TRPM3: variants seen among roughly 807,000 people sequenced by gnomAD.
TRPM3 encodes the protein long transient receptor potential channel 3.
A neutral mutation model predicts 181.2 loss-of-function variants in TRPM3; 77 were observed. That is an observed-to-expected ratio of 0.42 (90% confidence interval 0.35 to 0.51). The LOEUF is 0.51. Ranked by LOEUF, TRPM3 falls within the 20% of genes least tolerant of loss-of-function variation. The pLI is 0.01. For missense variants in TRPM3, 1,759 were observed against 2,196.7 expected (o/e 0.80, Z 3.98); for synonymous variants, 745 against 796.4 (o/e 0.94, Z 1.09).
At chr9:71,121,140 G>A in intron 1 of TRPM3, 38 bp downstream of exon 1, 2 of 1,585,002 alleles carry the variant, frequency 1.3e-6, no homozygotes, top group Non-Finnish European at 1.7e-6. Flanking sequence ...AATCTAAAAA[G>A]CACAATTAGC....
At chr9:70,738,848 C>T (rs1378015173) in intron 8 of TRPM3, among the ~76,000 whole-genome samples, 1 of 152,014 alleles carries the variant, frequency 6.6e-6, no homozygotes, top group Non-Finnish European at 1.5e-5. Flanking sequence ...TACATGAACA[C>T]CTTTATGTGC....
chr9:71,013,089 T>TGA (rs375504277), intron 1 of TRPM3, among the ~76,000 whole-genome samples: 2 of 151,966 alleles, frequency 1.3e-5, no homozygotes, highest in Non-Finnish European at 2.9e-5. Flanking sequence ...GGTCTATACA[T>TGA]GAGAGAGAGA....
chr9:71,244,776 C>T (rs771722411), intron 1 of TRPM3, among the ~76,000 whole-genome samples: 7 of 152,116 alleles, frequency 4.6e-5, no homozygotes, highest in East Asian at 1.9e-4. Context: ...GAAGAAAATA[C>T]CACCTAATGG....
intron 1 of TRPM3, among the ~76,000 whole-genome samples, chr9:71,368,602 G>A (rs1428926319): frequency 6.6e-6 from 1 of 152,118 alleles, no homozygotes; most frequent in Non-Finnish European, 1.5e-5. Context: ...ATTTTATAAT[G>A]CTTTTTTAAT....
chr9:70,668,613 C>T (rs1403536723), intron 9 of TRPM3, among the ~76,000 whole-genome samples: 2 of 137,764 alleles, frequency 1.5e-5, no homozygotes, highest in East Asian at 2.2e-4. Context: ...TCCAGTGAGC[C>T]GAGATCGCGC....
intron 8 of TRPM3, among the ~76,000 whole-genome samples, chr9:70,743,732 T>C (rs777036644): frequency 1.3e-5 from 2 of 152,056 alleles, no homozygotes; most frequent in African/African-American, 4.8e-5. Context: ...AGGTGTGAGA[T>C]GTACTCCTCC....
intron 1 of TRPM3, among the ~76,000 whole-genome samples, chr9:71,442,374 T>G (rs1001490797): frequency 6.6e-6 from 1 of 152,204 alleles, no homozygotes; most frequent in Non-Finnish European, 1.5e-5. Flanking sequence ...AAATTAAATC[T>G]GCATCTATTT....
chr9:70,538,743 T>C (rs147542459), intron 25 of TRPM3, among the ~76,000 whole-genome samples: 1 of 152,328 alleles, frequency 6.6e-6, no homozygotes, highest in East Asian at 1.9e-4. Flanking sequence ...ATGGTTTGTC[T>C]CATATTCCTG....
At chr9:71,329,887 C>G (rs1167235204) in intron 1 of TRPM3, among the ~76,000 whole-genome samples, 2 of 152,154 alleles carry the variant, frequency 1.3e-5, no homozygotes, top group South Asian at 4.1e-4. Context: ...AACATAAGCA[C>G]TCATGAACCC....
intron 1 of TRPM3, among the ~76,000 whole-genome samples, chr9:71,158,142 C>G (rs558973566): frequency 1.3e-5 from 2 of 152,118 alleles, no homozygotes; most frequent in East Asian, 3.9e-4. Context: ...TTGCCAAGCA[C>G]AAAAAGAAAA....
At chr9:70,890,832 G>A (rs2096188662) in intron 1 of TRPM3, among the ~76,000 whole-genome samples, 1 of 152,036 alleles carries the variant, frequency 6.6e-6, no homozygotes, top group African/African-American at 2.4e-5. Flanking sequence ...GACAGAGGCA[G>A]AGGGAATTCA....
chr9:70,903,045 T>C (rs2096408183), intron 1 of TRPM3, among the ~76,000 whole-genome samples: 1 of 152,094 alleles, frequency 6.6e-6, no homozygotes. Flanking sequence ...TGTTATCCAC[T>C]AGGCTGGCGA....
rs2097597905 is a variant in TRPM3 at position 71,001,315 on chromosome 9, A to G, written c.177+119863T>C. Among the ~76,000 whole-genome samples, 3 of 152,290 alleles carry G rather than the reference A, an allele frequency of 2.0e-5. No homozygotes were observed. The South Asian group carries it at 6.2e-4, about 32-fold the overall frequency. On this transcript the variant is annotated intron_variant, in intron 1 of 25. Coordinates refer to ENST00000677713, the MANE Select transcript of TRPM3 (RefSeq NM_001366145.2). ...CATATGCCTTCTGATCCAGTTTATA[A>G]ACTCTGGGATAACTAACAAATATAA...
chr9:70,822,779 G>C (rs1407063580), intron 6 of TRPM3, among the ~76,000 whole-genome samples: 1 of 151,820 alleles, frequency 6.6e-6, no homozygotes. Context: ...GTGTGTGTGT[G>C]TGTGTGTGTG....
At chr9:71,202,127 G>A (rs1295778182) in intron 1 of TRPM3, among the ~76,000 whole-genome samples, 1 of 152,154 alleles carries the variant, frequency 6.6e-6, no homozygotes, top group African/African-American at 2.4e-5. Context: ...ATCAGCAGTG[G>A]TGGCTGCAGA....
At chr9:70,906,954 G>A (rs2096474988) in intron 1 of TRPM3, among the ~76,000 whole-genome samples, 1 of 152,022 alleles carries the variant, frequency 6.6e-6, no homozygotes, top group African/African-American at 2.4e-5. Context: ...AACAAGAAAG[G>A]TGGAGAAATT....
chr9:71,407,408 G>T (rs1252776371), intron 1 of TRPM3, among the ~76,000 whole-genome samples: 1 of 152,194 alleles, frequency 6.6e-6, no homozygotes, highest in Admixed American at 6.5e-5. Flanking sequence ...TTAGCAAACA[G>T]CACACCAGGA....
intron 1 of TRPM3, among the ~76,000 whole-genome samples, chr9:71,129,708 G>A (rs545548441): frequency 1.6e-4 from 24 of 152,112 alleles, no homozygotes; most frequent in African/African-American, 4.3e-4. Flanking sequence ...GGGTTCCTGC[G>A]GCTTCCCAAA....
At chr9:70,552,781 T>A in intron 24 of TRPM3, 63 bp downstream of exon 24, 2 of 1,564,384 alleles carry the variant, frequency 1.3e-6, no homozygotes, top group Non-Finnish European at 1.8e-6. Context: ...TTCTGCGTGA[T>A]TGCCTATAGG....
Sources: gnomAD v4.1 joint callset for allele counts (sites outside exome capture counted in the v4.1 genomes callset) on GRCh38, gnomAD v4.1.1 for gene constraint, MANE v1.5 for transcripts, NCBI Gene and HGNC (gene_info 2026-07-23, HGNC 2026-07-21) for gene names.